The following CDH26 variants were observed in gnomAD, a reference collection of about 807,000 sequenced individuals.
CDH26 encodes cadherin-like protein 26.
Under a neutral mutation model 90.3 loss-of-function variants are expected in CDH26, and 83 were observed. The ratio of observed to expected loss-of-function variants is 0.92; its 90% CI spans 0.77 to 1.10. CDH26 has a LOEUF of 1.10. CDH26 is among the 50% of genes least tolerant of loss of function. The pLI is 0.00. For synonymous variants in CDH26, 397 were observed against 396.3 expected (o/e 1.00, Z -0.02); for missense variants, 1,013 against 1,037.6 (o/e 0.98, Z 0.33).
downstream of CDH26, among the ~76,000 whole-genome samples, chr20:60,035,221 T>C (rs1213831763): frequency 6.6e-6 from 1 of 152,254 alleles, no homozygotes; most frequent in African/African-American, 2.4e-5. Context: ...TTCTGGCTTT[T>C]TGCTACAACA....
rs369459641 is a variant in CDH26 at position 59,971,977 on chromosome 20, T to G, written c.247T>G (p.Ser83Ala). Residue 83 changes from serine to alanine, a missense_variant, in exon 4 of 18, where the codon TCT becomes GCT. Transcript: ENST00000348616. Reference protein sequence around the residue: ...KLIGELFNNMSYNMSLMYLIS... With the variant: ...KLIGELFNNMAYNMSLMYLIS... ...CTCCTTCCAGCTGTTCAATAATATG[T>G]CTTATAACATGTCACTAATGTATCT... The G allele has an allele frequency of 1.0e-4, 166 of 1,613,506 alleles. No individual in the cohort carries two copies. Among genetic ancestry groups the G allele is most frequent in the Non-Finnish European group, 1.3e-4 (150 of 1,179,718 alleles).
intron 1 of CDH26, among the ~76,000 whole-genome samples, chr20:59,967,957 A>ATCTT (rs1162039272): frequency 0.077 from 4,602 of 59,440 alleles, 267 homozygotes; most frequent in Non-Finnish European, 0.089. Flanking sequence ...CTTTCTTTCT[A>ATCTT]TCTTTCTTTC....
intron 1 of CDH26, among the ~76,000 whole-genome samples, chr20:59,967,833 C>A (rs951204475): frequency 5.1e-4 from 35 of 68,790 alleles, no homozygotes; most frequent in African/African-American, 3.4e-3. Flanking sequence ...TTCTTTCTTT[C>A]TTTCTTTCTT....
chr20:59,972,822 G>A (rs546211719), intron 4 of CDH26, among the ~76,000 whole-genome samples: 4 of 152,288 alleles, frequency 2.6e-5, no homozygotes, highest in African/African-American at 9.6e-5. Flanking sequence ...GTGGAAAGAT[G>A]TTGATTAACA....
chr20:60,033,610 A>G (rs1287808535), exon 9 of CDH26: 2 of 1,304,828 alleles, frequency 1.5e-6, no homozygotes, highest in African/African-American at 3.0e-5. Context: ...ACAAAAAGGC[A>G]TGTTTCCCAG....
intron 1 of CDH26, among the ~76,000 whole-genome samples, chr20:59,961,001 A>G (rs1456504202): frequency 2.6e-5 from 4 of 152,252 alleles, no homozygotes; most frequent in African/African-American, 9.6e-5. Context: ...CTTGTTTGGT[A>G]CCAGTTGCTT....
At chr20:60,021,814 T>C (rs1327401075) in intron 7 of CDH26, among the ~76,000 whole-genome samples, 1 of 146,872 alleles carries the variant, frequency 6.8e-6, no homozygotes, top group East Asian at 2.0e-4. Flanking sequence ...GTTTGCTGTC[T>C]TCTTTGTGTA....
intron 9 of CDH26, among the ~76,000 whole-genome samples, chr20:59,991,613 A>G (rs1340726196): frequency 1.3e-5 from 2 of 152,242 alleles, no homozygotes; most frequent in African/African-American, 4.8e-5. Flanking sequence ...GACCCACGCA[A>G]CATGAGAGAG....
At chr20:59,980,532 A>G (rs2061382687) in intron 4 of CDH26, among the ~76,000 whole-genome samples, 3 of 152,118 alleles carry the variant, frequency 2.0e-5, no homozygotes, top group Non-Finnish European at 2.9e-5. Context: ...TCCTGACCTC[A>G]GGTAATCCAC....
chr20:60,035,911 T>C (rs953491930), downstream of CDH26, among the ~76,000 whole-genome samples: 1 of 151,982 alleles, frequency 6.6e-6, no homozygotes, highest in African/African-American at 2.4e-5. Context: ...GTGAATCAAT[T>C]AAACCTCTTT....
intron 7 of CDH26, among the ~76,000 whole-genome samples, chr20:60,023,032 C>G (rs1479938052): frequency 1.3e-5 from 2 of 152,232 alleles, no homozygotes; most frequent in African/African-American, 4.8e-5. Flanking sequence ...TGGGAGGCAA[C>G]TTCCAGGAAG....
At chr20:60,018,396 G>A (rs1482796839), downstream of CDH26, among the ~76,000 whole-genome samples, 6 of 152,038 alleles carry the variant, frequency 3.9e-5, 1 homozygote, top group South Asian at 1.0e-3. Context: ...TTTAAAGTCT[G>A]CTTTGTCTGA....
At chr20:59,989,549 A>AG (rs1288037045) in intron 9 of CDH26, among the ~76,000 whole-genome samples, 32 of 151,746 alleles carry the variant, frequency 2.1e-4, no homozygotes, top group African/African-American at 2.7e-4. Flanking sequence ...AAAAAAAAAA[A>AG]AAAAGAAAAG....
intron 7 of CDH26, among the ~76,000 whole-genome samples, chr20:60,023,938 G>C (rs1471268224): frequency 4.0e-5 from 6 of 151,342 alleles, no homozygotes; most frequent in Non-Finnish European, 7.4e-5. Flanking sequence ...GGCTCCAGGT[G>C]GGTACCATTA....
Position 59,982,966 on chromosome 20 carries a change from A to G in CDH26, c.437A>G (p.Asp146Gly), listed in dbSNP as rs1239247915. The G allele has an allele frequency of 1.2e-6, 2 of 1,613,948 alleles. No individual in the cohort carries two copies. Among genetic ancestry groups the G allele is most frequent in the Non-Finnish European group, 1.7e-6 (2 of 1,180,006 alleles). Reference sequence around the variant, plus strand: ...GAGCGCTCAACAGGAAAAATTGTGGATACATCCTTGATTTTCAACATTAGG... The same window carrying G: ...GAGCGCTCAACAGGAAAAATTGTGGGTACATCCTTGATTTTCAACATTAGG... ...VVERSTGKIV[D>G]TSLIFNIRIS... Residue 146 changes from aspartate (D) to glycine (G), a missense_variant, in exon 5 of 18, where the codon GAT becomes GGT. By Grantham distance (94) the Asp-to-Gly change is moderately conservative. Transcript: ENST00000348616.
At chr20:59,960,394 AACACACACAC>A (rs111336064) in intron 1 of CDH26, among the ~76,000 whole-genome samples, 26 of 148,560 alleles carry the variant, frequency 1.8e-4, no homozygotes, top group Non-Finnish European at 3.9e-4. Flanking sequence ...CTTATGTTAA[AACACACACAC>A]ACACACACAC....
At chr20:60,008,933 C>T (rs907873262) in intron 17 of CDH26, among the ~76,000 whole-genome samples, 5 of 152,192 alleles carry the variant, frequency 3.3e-5, no homozygotes, top group African/African-American at 1.2e-4. Context: ...GGGCTGTGTA[C>T]CCACAGACTC....
chr20:59,966,068 G>T (rs2061144283), intron 1 of CDH26, among the ~76,000 whole-genome samples: 1 of 151,854 alleles, frequency 6.6e-6, no homozygotes, highest in Non-Finnish European at 1.5e-5. Context: ...TCTGATTTTT[G>T]CTTGAAAGAT....
chr20:60,010,644 A>G (rs1257809125), intron 17 of CDH26, among the ~76,000 whole-genome samples: 1 of 152,204 alleles, frequency 6.6e-6, no homozygotes, highest in Non-Finnish European at 1.5e-5. Flanking sequence ...CTAGGCAGAC[A>G]GGAATGAGCA....
Sources: gnomAD v4.1 joint callset for allele counts (sites outside exome capture counted in the v4.1 genomes callset) on GRCh38, gnomAD v4.1.1 for gene constraint, MANE v1.5 for transcripts, NCBI Gene and HGNC (gene_info 2026-07-23, HGNC 2026-07-21) for gene names.